Variants in ADGRL2 observed in about 807,000 individuals in gnomAD.
The protein encoded by ADGRL2 is adhesion G protein-coupled receptor L2.
ADGRL2 carries 44 observed loss-of-function variants against 157.4 expected under a neutral mutation model. That is an observed-to-expected ratio of 0.28 (90% CI 0.22 to 0.36). The LOEUF (loss-of-function observed/expected upper bound fraction) is 0.36, where lower values mean the gene tolerates loss of function less well. ADGRL2 is among the 10% of genes least tolerant of loss of function. ADGRL2 has a pLI of 1.00. For synonymous variants in ADGRL2, 585 were observed against 624.7 expected, an observed-to-expected ratio of 0.94 and a Z score of 0.95; for missense variants, 1,510 against 1,768.9, an observed-to-expected ratio of 0.85 and a Z score of 2.63.
intron 2 of ADGRL2, among the ~76,000 whole-genome samples, chr1:81,848,765 C>T (rs1259383135): frequency 1.3e-5 from 2 of 151,840 alleles, no homozygotes; most frequent in Non-Finnish European, 2.9e-5. Context: ...TTTTAAAAAG[C>T]ACAATTTATC....
At chr1:81,890,242 A>G (rs1017325104) in intron 2 of ADGRL2, among the ~76,000 whole-genome samples, 2 of 152,210 alleles carry the variant, frequency 1.3e-5, no homozygotes, top group Non-Finnish European at 1.5e-5. Flanking sequence ...GAAGAACGCT[A>G]CAAAGACAGG....
chr1:81,763,601 A>AG (rs397796821), intron 2 of ADGRL2, among the ~76,000 whole-genome samples: 2 of 146,394 alleles, frequency 1.4e-5, no homozygotes, highest in African/African-American at 5.0e-5. Flanking sequence ...AAAAAAAAAA[A>AG]GGGCCAGGTG....
At chr1:81,335,844 A>C (rs1661602613) in intron 1 of ADGRL2, among the ~76,000 whole-genome samples, 2 of 151,726 alleles carry the variant, frequency 1.3e-5, no homozygotes, top group South Asian at 2.1e-4. Context: ...TAAAAAAAAA[A>C]AAAACAAAAA....
intron 2 of ADGRL2, among the ~76,000 whole-genome samples, chr1:81,904,177 C>T (rs1450025310): frequency 1.3e-5 from 2 of 152,038 alleles, no homozygotes; most frequent in Non-Finnish European, 2.9e-5. Flanking sequence ...GAGATTATAA[C>T]TAAGAGCCTT....
intron 3 of ADGRL2, among the ~76,000 whole-genome samples, chr1:81,668,313 T>G (rs565692737): frequency 3.6e-4 from 55 of 151,780 alleles, no homozygotes; most frequent in Middle Eastern, 6.8e-3. Flanking sequence ...TAATCCCAGC[T>G]ACTCAGGAGG....
At chr1:81,723,263 A>C (rs1392742275) in intron 1 of ADGRL2, among the ~76,000 whole-genome samples, 1 of 152,074 alleles carries the variant, frequency 6.6e-6, no homozygotes, top group African/African-American at 2.4e-5. Flanking sequence ...TAGGGTATTC[A>C]TTCAGATAAT....
intron 2 of ADGRL2, among the ~76,000 whole-genome samples, chr1:81,510,681 C>T (rs2079059497): frequency 6.6e-6 from 1 of 152,012 alleles, no homozygotes; most frequent in African/African-American, 2.4e-5. Context: ...CTTTTAATCC[C>T]CTAGGGGGCA....
chr1:81,955,906 G>A lies in ADGRL2; in HGVS notation c.1863G>A (p.Leu621=). 6.2e-7 allele frequency: 1 copy of A among 1,601,302 alleles called. No homozygotes were observed. The highest frequency in any genetic ancestry group is 8.5e-7 in the Non-Finnish European group (1 of 1,174,476). ...TTGTTGACACAGTGGACAACCTTCT[G>A]AGACCCGAAGCTTTGGAATCATGGA... is the stretch of plus-strand genomic sequence containing the variant. The part of the protein sequence containing the change: ...KAIVDTVDNL[L]RPEALESWKH... The change falls in exon 11 of 24, where the codon CTG becomes CTA. Residue 621 remains leucine, a synonymous_variant. Coordinates refer to ENST00000686636, the MANE Select transcript of ADGRL2 (RefSeq NM_001366006.2).
At chr1:81,449,238 C>T (rs1211290867) in intron 2 of ADGRL2, among the ~76,000 whole-genome samples, 1 of 150,610 alleles carries the variant, frequency 6.6e-6, no homozygotes, top group Non-Finnish European at 1.5e-5. Context: ...TTTATATTAT[C>T]CAGGGTCTGT....
chr1:81,766,251 T>C (rs2086112532), intron 2 of ADGRL2, among the ~76,000 whole-genome samples: 1 of 152,202 alleles, frequency 6.6e-6, no homozygotes, highest in African/African-American at 2.4e-5. Context: ...GAATATGTTA[T>C]CTGTTAGTAG....
At chr1:81,611,271 G>A (rs78985941) in intron 3 of ADGRL2, among the ~76,000 whole-genome samples, 19,105 of 152,188 alleles carry the variant, frequency 0.13, 1,653 homozygotes, top group Non-Finnish European at 0.18. Flanking sequence ...CTTCAGACAC[G>A]GAAGATATGG....
At chr1:81,465,930 A>G (rs888025651) in intron 2 of ADGRL2, among the ~76,000 whole-genome samples, 1 of 152,254 alleles carries the variant, frequency 6.6e-6, no homozygotes, top group East Asian at 1.9e-4. Flanking sequence ...TAAGCAAGGA[A>G]AATGAAAATT....
chr1:81,780,120 G>A (rs1051832421), intron 2 of ADGRL2, among the ~76,000 whole-genome samples: 1 of 152,190 alleles, frequency 6.6e-6, no homozygotes, highest in Admixed American at 6.5e-5. Flanking sequence ...TTTATCCAGT[G>A]TTCCTCCATC....
chr1:81,481,490 AG>A (rs1398140760), intron 2 of ADGRL2, among the ~76,000 whole-genome samples: 1 of 152,200 alleles, frequency 6.6e-6, no homozygotes, highest in Non-Finnish European at 1.5e-5. Context: ...AGAAGCTCCC[AG>A]GCAGGTGGGC....
intron 2 of ADGRL2, among the ~76,000 whole-genome samples, chr1:81,851,734 T>TTGTGTG (rs5775643): frequency 0.035 from 5,120 of 146,354 alleles, 128 homozygotes; most frequent in African/African-American, 0.046. Flanking sequence ...CCACTTAAAT[T>TTGTGTG]TGTGTGTGTG....
At chr1:81,415,494 TA>T (rs1053114269) in intron 1 of ADGRL2, among the ~76,000 whole-genome samples, 37 of 152,216 alleles carry the variant, frequency 2.4e-4, no homozygotes, top group African/African-American at 7.9e-4. Context: ...GAGGGGTCCC[TA>T]AAAAAAGATA....
chr1:81,809,556 C>T (rs949817190), intron 1 of ADGRL2, among the ~76,000 whole-genome samples: 1 of 151,840 alleles, frequency 6.6e-6, no homozygotes, highest in Non-Finnish European at 1.5e-5. Context: ...AGATACAATC[C>T]TGTCTTTTTT....
At position 81,842,375 on chromosome 1, in the gene ADGRL2, T is replaced by TTTA. The variant is rs1380656471; in HGVS notation, c.73+5318_73+5319insTTA. On this transcript the variant is annotated intron_variant, in intron 2 of 23. Transcript: ENST00000686636. ...GCGCTTTTTTTTTTTTTTTTTTTTT[T>TTTA]AAGATGGAGTCTCACTCTGTCTCCC... 3.6e-5 allele frequency among the ~76,000 whole-genome samples: 5 copies of TTTA among 139,332 alleles called. No individual in the cohort carries two copies. In the East Asian group the frequency reaches 8.4e-4, roughly 23 times the overall value. The allele number at this position is 139,332 out of a possible 152,430, so 91.4% of individuals were successfully genotyped here.
At chr1:81,877,233 A>G (rs1201224683) in intron 2 of ADGRL2, among the ~76,000 whole-genome samples, 2 of 152,146 alleles carry the variant, frequency 1.3e-5, no homozygotes, top group African/African-American at 4.8e-5. Context: ...TATTGCTGCA[A>G]TTGACATGAC....
Sources: gnomAD v4.1 joint callset for allele counts (sites outside exome capture counted in the v4.1 genomes callset) on GRCh38, gnomAD v4.1.1 for gene constraint, MANE v1.5 for transcripts, NCBI Gene and HGNC (gene_info 2026-07-23, HGNC 2026-07-21) for gene names.